The following CLEC16A variants were observed in gnomAD, a reference collection of about 807,000 sequenced individuals.
CLEC16A encodes the protein protein CLEC16A.
In CLEC16A, 51 loss-of-function variants were observed where a neutral mutation model predicts 109.5. That is an observed-to-expected ratio of 0.47 (90% CI 0.37 to 0.59). The LOEUF is 0.59. Among genes scored for constraint, CLEC16A ranks in the 20% least tolerant of loss-of-function variants. CLEC16A has a pLI of 0.00. For synonymous variants in CLEC16A, 673 were observed against 564.2 expected (o/e 1.19, Z -2.73); for missense variants, 1,339 against 1,394.0 (o/e 0.96, Z 0.63).
chr16:11,033,218 TG>T (rs1359513655), intron 13 of CLEC16A, among the ~76,000 whole-genome samples: 1 of 151,468 alleles, frequency 6.6e-6, no homozygotes, highest in Non-Finnish European at 1.5e-5. Context: ...TGAGCAATGG[TG>T]GGGGTGCATT....
At chr16:11,107,109 G>A (rs528224355) in intron 19 of CLEC16A, among the ~76,000 whole-genome samples, 1 of 152,356 alleles carries the variant, frequency 6.6e-6, no homozygotes, top group African/African-American at 2.4e-5. Context: ...GTAGTGGGAC[G>A]CCCAGTGAAC....
intron 11 of CLEC16A, among the ~76,000 whole-genome samples, chr16:11,012,965 T>C (rs931665334): frequency 2.6e-5 from 4 of 152,148 alleles, no homozygotes; most frequent in Non-Finnish European, 5.9e-5. Flanking sequence ...GGACGCCAGG[T>C]GGGAGCCAAC....
In CLEC16A at chr16:11,174,042, T is replaced by G; in HGVS notation, c.2807-4293T>G. On this transcript the variant is annotated intron_variant, in intron 23 of 23. Transcript: ENST00000409790. This position sits in a 1 kb window ranked among gnomAD's most constrained non-coding sequence, Gnocchi z 4.7. ...CATGCTGGGCACTGCCCCACGACCCTCGCCCCTCGTCAGTGCTCAGCGTCC... is the reference window on the plus strand; with the variant it reads ...CATGCTGGGCACTGCCCCACGACCCGCGCCCCTCGTCAGTGCTCAGCGTCC... The G allele has an allele frequency of 2.6e-6, 1 of 383,876 alleles. No homozygotes were observed. Among genetic ancestry groups the G allele is most frequent in the South Asian group, 1.9e-5 (1 of 53,336 alleles). 23.8% of individuals were successfully genotyped at this position (383,876 alleles called of 1,614,324 possible). A position where few individuals can be genotyped will look rare whatever the true frequency, so the allele number is the denominator to read the frequency against.
At chr16:10,992,450 C>A (rs1343181475) in intron 10 of CLEC16A, among the ~76,000 whole-genome samples, 2 of 151,658 alleles carry the variant, frequency 1.3e-5, no homozygotes, top group African/African-American at 4.8e-5. Context: ...ATGCTAAGTA[C>A]CCTGATGTGA....
intron 11 of CLEC16A, among the ~76,000 whole-genome samples, chr16:11,016,997 G>T: frequency 8.2e-6 from 1 of 121,688 alleles, no homozygotes; most frequent in African/African-American, 3.1e-5. Flanking sequence ...GTGAATATCG[G>T]GGCGGGGGGG....
intron 11 of CLEC16A, among the ~76,000 whole-genome samples, chr16:11,010,578 G>T (rs529804548): frequency 1.3e-5 from 2 of 151,988 alleles, no homozygotes; most frequent in Non-Finnish European, 2.9e-5. Context: ...CACACCCCAC[G>T]CACATTCATC....
chr16:11,018,318 G>A (rs2045887710), intron 11 of CLEC16A, among the ~76,000 whole-genome samples: 2 of 151,548 alleles, frequency 1.3e-5, no homozygotes, highest in Admixed American at 6.6e-5. Flanking sequence ...GGTGAAGAGG[G>A]CGTCCAGGAA....
At chr16:11,006,389 G>T (rs1192921926) in intron 11 of CLEC16A, among the ~76,000 whole-genome samples, 1 of 152,202 alleles carries the variant, frequency 6.6e-6, no homozygotes, top group African/African-American at 2.4e-5. Flanking sequence ...GTATTTCTGG[G>T]TACTCCCCTT....
At chr16:11,039,917 T>G in intron 14 of CLEC16A, 41 bp downstream of exon 14, 1 of 1,600,468 alleles carries the variant, frequency 6.2e-7, no homozygotes, top group Admixed American at 1.7e-5. Context: ...GGCCACGCAG[T>G]TGTAGGAAGC....
chr16:11,068,986 C>CTTTTTTTT (rs34421150), intron 19 of CLEC16A, among the ~76,000 whole-genome samples: 38 of 123,430 alleles, frequency 3.1e-4, no homozygotes, highest in Non-Finnish European at 4.1e-4. Flanking sequence ...GGCTAATTTT[C>CTTTTTTTT]TTTTTTTTTT....
chr16:11,086,540 T>C (rs1307901555), intron 19 of CLEC16A, among the ~76,000 whole-genome samples: 2 of 151,758 alleles, frequency 1.3e-5, no homozygotes, highest in African/African-American at 4.8e-5. Context: ...CATTATTTTG[T>C]TTGTTTGTTT....
chr16:11,155,520 C>T (rs550745039), intron 22 of CLEC16A, among the ~76,000 whole-genome samples: 7 of 152,386 alleles, frequency 4.6e-5, no homozygotes, highest in African/African-American at 9.6e-5. Context: ...CCAGGGCAGA[C>T]GTCAACAGAG....
chr16:11,157,121 A>G (rs1352194069), intron 22 of CLEC16A: 1 of 1,302,500 alleles, frequency 7.7e-7, no homozygotes, highest in African/African-American at 1.5e-5. Context: ...TTATCCATGG[A>G]TAAAGAGCTA....
At chr16:10,993,032 G>T (rs573265717) in intron 10 of CLEC16A, among the ~76,000 whole-genome samples, 5 of 152,188 alleles carry the variant, frequency 3.3e-5, no homozygotes, top group Admixed American at 3.3e-4. Context: ...TATGGGATCA[G>T]GAGAGAGGCC....
chr16:11,169,790 A>G (rs2068428491), intron 23 of CLEC16A, among the ~76,000 whole-genome samples: 1 of 152,210 alleles, frequency 6.6e-6, no homozygotes, highest in Non-Finnish European at 1.5e-5. Context: ...CCCACCAATC[A>G]GCCTAGGCTC....
At chr16:10,957,101 C>T (rs955114192) in intron 1 of CLEC16A, among the ~76,000 whole-genome samples, 5 of 152,200 alleles carry the variant, frequency 3.3e-5, no homozygotes, top group Admixed American at 3.3e-4. Flanking sequence ...CCAGCCAGCC[C>T]ATTTAACTCA....
intron 19 of CLEC16A, among the ~76,000 whole-genome samples, chr16:11,117,508 A>T (rs1465988033): frequency 6.6e-6 from 1 of 152,208 alleles, no homozygotes; most frequent in Non-Finnish European, 1.5e-5. Context: ...TGTTTTCCAC[A>T]GTCATTGCAA....
chr16:10,971,935 A>C (rs955564876), intron 5 of CLEC16A, among the ~76,000 whole-genome samples: 2 of 152,186 alleles, frequency 1.3e-5, no homozygotes, highest in Non-Finnish European at 2.9e-5. Flanking sequence ...TTTGACTTTC[A>C]TGAGCCAAAA....
chr16:11,150,319 C>G (rs890557041), intron 22 of CLEC16A: 3 of 152,210 alleles, frequency 2.0e-5, no homozygotes, highest in East Asian at 1.9e-4. Context: ...TCTGTATACC[C>G]TGCTGCACCT....
Sources: allele counts gnomAD v4.1 joint callset (sites outside exome capture counted in the v4.1 genomes callset), GRCh38; gene constraint gnomAD v4.1.1; non-coding constraint Gnocchi (gnomAD v3.1); transcripts MANE v1.5; gene names NCBI Gene and HGNC (gene_info 2026-07-23, HGNC 2026-07-21).